The following AVL9 variants were observed in gnomAD, a reference collection of about 807,000 sequenced individuals.
The protein encoded by AVL9 is AVL9 cell migration associated, also known as late secretory pathway protein AVL9 homolog.
In AVL9, 49 loss-of-function variants were observed where a neutral mutation model predicts 79.2. That is an observed-to-expected ratio of 0.62 (90% CI 0.49 to 0.79). The LOEUF (loss-of-function observed/expected upper bound fraction) is 0.79. Ranked by LOEUF, AVL9 falls within the 30% of genes least tolerant of loss-of-function variation. The probability of loss-of-function intolerance (pLI) is 0.00; values close to 1 mark genes in which losing one functional copy is unlikely to be tolerated. For missense variants in AVL9, 682 were observed against 776.8 expected (o/e 0.88, Z 1.45); for synonymous variants, 299 against 280.6 (o/e 1.07, Z -0.65).
At chr7:32,503,355 T>TATATATAG (rs1562749476) in intron 1 of AVL9, among the ~76,000 whole-genome samples, 7 of 26,598 alleles carry the variant, frequency 2.6e-4, no homozygotes, top group Non-Finnish European at 4.7e-4. Flanking sequence ...GATATAGATA[T>TATATATAG]AGAGAGATAT....
intron 3 of AVL9, among the ~76,000 whole-genome samples, chr7:32,548,315 T>G (rs1789630253): frequency 6.6e-6 from 1 of 151,986 alleles, no homozygotes; most frequent in East Asian, 1.9e-4. Context: ...ACCTGGCTGA[T>G]TTCTGTATTT....
chr7:32,558,777 T>A, intron 9 of AVL9, 149 bp downstream of exon 9: 1 of 1,008,008 alleles, frequency 9.9e-7, no homozygotes, highest in Non-Finnish European at 1.4e-6. Context: ...TTTCTCTCTT[T>A]TGTCTGGGCT....
chr7:32,577,967 G>T (rs141304979), intron 13 of AVL9, among the ~76,000 whole-genome samples: 19 of 152,284 alleles, frequency 1.2e-4, no homozygotes, highest in Admixed American at 3.3e-4. Flanking sequence ...ATTTGTTAAT[G>T]TGCATGAGGG....
chr7:32,506,521 G>A (rs1458376364), intron 1 of AVL9, among the ~76,000 whole-genome samples: 3 of 152,126 alleles, frequency 2.0e-5, no homozygotes, highest in Non-Finnish European at 4.4e-5. Flanking sequence ...ATGCTCCTCA[G>A]AATGGCACAC....
At chr7:32,582,684 T>C (rs935339950) in intron 15 of AVL9, among the ~76,000 whole-genome samples, 2 of 152,126 alleles carry the variant, frequency 1.3e-5, no homozygotes, top group Non-Finnish European at 1.5e-5. Context: ...TAATTTCACT[T>C]AGCATCACCT....
intron 10 of AVL9, among the ~76,000 whole-genome samples, chr7:32,564,365 T>G (rs1377601983): frequency 2.0e-5 from 3 of 152,258 alleles, no homozygotes; most frequent in Non-Finnish European, 4.4e-5. Context: ...CTTTGGAATA[T>G]AAAATATTCT....
At chr7:32,535,311 G>C (rs1788847863) in intron 1 of AVL9, 1 of 152,162 alleles carries the variant, frequency 6.6e-6, no homozygotes, top group Non-Finnish European at 1.5e-5. Flanking sequence ...AACCAAGTTA[G>C]AGGTCCCTCC....
At chr7:32,559,572 C>A in intron 10 of AVL9, 108 bp downstream of exon 10, 4 of 1,151,670 alleles carry the variant, frequency 3.5e-6, no homozygotes, top group South Asian at 1.8e-5. Context: ...GGAAAAATTT[C>A]CTTGAAAACT....
intron 1 of AVL9, among the ~76,000 whole-genome samples, chr7:32,528,688 A>T (rs971849040): frequency 1.3e-5 from 2 of 152,184 alleles, no homozygotes; most frequent in Non-Finnish European, 2.9e-5. Flanking sequence ...TAAGTCAAAG[A>T]TGTTAATCAT....
At chr7:32,561,640 A>G (rs2128143156) in intron 10 of AVL9, among the ~76,000 whole-genome samples, 1 of 150,070 alleles carries the variant, frequency 6.7e-6, no homozygotes, top group African/African-American at 2.5e-5. Flanking sequence ...ACTGGTTTAA[A>G]AAACAAAACA....
At chr7:32,570,823 G>C (rs1790803227) in intron 11 of AVL9, among the ~76,000 whole-genome samples, 1 of 150,952 alleles carries the variant, frequency 6.6e-6, no homozygotes. Context: ...GTTTCACCAT[G>C]TTGGCCAGGC....
At chr7:32,547,612 C>T (rs748988432) in intron 3 of AVL9, among the ~76,000 whole-genome samples, 4 of 152,178 alleles carry the variant, frequency 2.6e-5, no homozygotes, top group South Asian at 2.1e-4. Context: ...CTGACCCACT[C>T]AGGAGTACAT....
chr7:32,576,928 T>C (rs865973696), intron 13 of AVL9, among the ~76,000 whole-genome samples: 4 of 152,240 alleles, frequency 2.6e-5, no homozygotes, highest in African/African-American at 7.2e-5. Context: ...CACATAGGCA[T>C]AAAAGGCCAT....
chr7:32,502,760 C>T (rs1442312262), intron 1 of AVL9, among the ~76,000 whole-genome samples: 1 of 152,224 alleles, frequency 6.6e-6, no homozygotes, highest in Non-Finnish European at 1.5e-5. Context: ...GGGTGACTCT[C>T]TTCAGAGCAA....
intron 1 of AVL9, among the ~76,000 whole-genome samples, chr7:32,498,979 C>T (rs139532500): frequency 1 from 14,788 of 14,796 alleles, 7,390 homozygotes; most frequent in Middle Eastern, 1. Flanking sequence ...GCCTGGACAA[C>T]ACGGTGAAAC....
At chr7:32,503,373 T>TAGAGAGATATACACACACACACAC in intron 1 of AVL9, among the ~76,000 whole-genome samples, 1 of 105,794 alleles carries the variant, frequency 9.5e-6, no homozygotes, top group Admixed American at 1.2e-4. Context: ...TATATATATA[T>TAGAGAGATATACACACACACACAC]ACACACACAC....
rs556460681 is a variant in AVL9 at position 32,498,619 on chromosome 7, T to C, written c.93+2817T>C. On this transcript the variant is annotated intron_variant, in intron 1 of 15. Transcript: ENST00000318709. ...TTTATCACTTGATCTTTTTTTTTTT[T>C]TCACTTTTATTTGGGTAACTTGTGG... Among the ~76,000 whole-genome samples the C allele has an allele frequency of 3.3e-5, 5 of 152,140 alleles. 1 individual carries two copies. The South Asian group carries it at 1.0e-3, about 32-fold the overall frequency.
intron 1 of AVL9, among the ~76,000 whole-genome samples, chr7:32,510,499 C>G (rs1014401564): frequency 3.9e-5 from 4 of 101,856 alleles, no homozygotes; most frequent in Non-Finnish European, 6.0e-5. Flanking sequence ...CATCAGGTCT[C>G]GTTGGGAGAA....
At chr7:32,524,722 G>A (rs1788326443) in intron 1 of AVL9, among the ~76,000 whole-genome samples, 1 of 152,188 alleles carries the variant, frequency 6.6e-6, no homozygotes, top group Non-Finnish European at 1.5e-5. Flanking sequence ...GTTAGAAGCT[G>A]CAGTGCTAGT....
Sources: gnomAD v4.1 joint callset for allele counts (sites outside exome capture counted in the v4.1 genomes callset) on GRCh38, gnomAD v4.1.1 for gene constraint, MANE v1.5 for transcripts, NCBI Gene and HGNC (gene_info 2026-07-23, HGNC 2026-07-21) for gene names.